PDE6A: variants seen among roughly 807,000 people sequenced by gnomAD.
PDE6A encodes phosphodiesterase 6A.
A neutral mutation model predicts 106.3 loss-of-function variants in PDE6A; 84 were observed. The observed-to-expected ratio is 0.79, with a 90% CI of 0.66 to 0.95. The LOEUF (loss-of-function observed/expected upper bound fraction) is 0.95. Ranked by LOEUF, PDE6A falls within the 40% of genes least tolerant of loss-of-function variation. The pLI, the probability that PDE6A is intolerant of heterozygous loss-of-function variation, is 0.00. For synonymous variants in PDE6A, 394 were observed against 386.6 expected, an observed-to-expected ratio of 1.02 and a Z score of -0.23; for missense variants, 1,052 against 1,084.9, an observed-to-expected ratio of 0.97 and a Z score of 0.43.
rs202059077 is a variant in PDE6A, at chr5:149,863,148, T to G, written c.2477A>C (p.Lys826Thr). 1.2e-6 allele frequency: 2 copies of G among 1,614,226 alleles called. No homozygotes were observed. Among genetic ancestry groups the G allele is most frequent in the South Asian group, 2.2e-5 (2 of 91,080 alleles). ...YDAKMKVQEEKKQKQQSAKSA... is the reference protein window; with the variant it reads ...YDAKMKVQEETKQKQQSAKSA... ...CTTGGCCGACTGCTGTTTCTGCTTC[T>G]TCTCCTCCTGCACCTTCATCTTGGC... The change falls in exon 21 of 22, where the codon AAG (lysine) becomes ACG (threonine). Residue 826 changes from lysine to threonine, a missense_variant. This residue lies in a region of PDE6A where 135 missense variants were observed against 153.2 expected (regional missense o/e 0.88). Coordinates refer to ENST00000255266, the MANE Select transcript of PDE6A (RefSeq NM_000440.3). The surrounding 1 kb of genome is among the most constrained non-coding windows in gnomAD (Gnocchi z 4.7).
intron 1 of PDE6A, among the ~76,000 whole-genome samples, chr5:149,941,478 G>A (rs1754325393): frequency 6.6e-6 from 1 of 152,232 alleles, no homozygotes; most frequent in Admixed American, 6.5e-5. Context: ...ACCACCAGGA[G>A]AATCTCAGGG....
At chr5:149,873,083 G>A (rs1006867332) in intron 17 of PDE6A, among the ~76,000 whole-genome samples, 10 of 151,990 alleles carry the variant, frequency 6.6e-5, no homozygotes, top group African/African-American at 2.4e-4. Flanking sequence ...AGATGAGCAG[G>A]AAAAAAGGAC....
intron 17 of PDE6A, among the ~76,000 whole-genome samples, chr5:149,876,216 C>G (rs936809740): frequency 3.9e-5 from 6 of 151,972 alleles, no homozygotes; most frequent in Non-Finnish European, 8.8e-5. Context: ...ATTAAACACT[C>G]AAAGCACCCT....
rs745790602 is a variant in PDE6A at position 149,934,036 on chromosome 5, A to G, written c.628-17T>C. The stretch of plus-strand genomic sequence containing the variant: ...GAGAAGAATCTAAAAATCAAACAGC[A>G]TGAGGGGAGGCAGGTGAGAAGAAGA... On this transcript the variant is annotated splice_polypyrimidine_tract_variant and intron_variant, in intron 2 of 21. Coordinates refer to ENST00000255266, the MANE Select transcript of PDE6A (RefSeq NM_000440.3). 4.3e-6 allele frequency: 6 copies of G among 1,402,224 alleles called. No homozygotes were observed. Among genetic ancestry groups the G allele is most frequent in the Non-Finnish European group, 5.1e-6 (5 of 988,038 alleles). The allele number at this position is 1,402,224 out of a possible 1,614,324, so 86.9% of individuals were successfully genotyped here.
intron 5 of PDE6A, among the ~76,000 whole-genome samples, chr5:149,921,348 A>C (rs573675130): frequency 2.7e-5 from 4 of 149,936 alleles, no homozygotes; most frequent in Admixed American, 1.3e-4. Context: ...GGAAGGCAGG[A>C]AGGAAGGAAG....
intron 17 of PDE6A, among the ~76,000 whole-genome samples, chr5:149,872,035 T>C (rs190988671): frequency 1.3e-5 from 2 of 152,234 alleles, no homozygotes; most frequent in Admixed American, 1.3e-4. Flanking sequence ...CACAAAAATA[T>C]TGTATGCTCA....
chr5:149,909,970 T>C (rs1753324042), intron 6 of PDE6A, among the ~76,000 whole-genome samples: 1 of 152,308 alleles, frequency 6.6e-6, no homozygotes, highest in East Asian at 1.9e-4. Context: ...ATTCAAATAT[T>C]CTATATTCTG....
intron 4 of PDE6A, among the ~76,000 whole-genome samples, chr5:149,925,502 T>C (rs1753841566): frequency 6.6e-6 from 1 of 151,498 alleles, no homozygotes; most frequent in Non-Finnish European, 1.5e-5. Flanking sequence ...AGGTCAGGAG[T>C]TCGAGACCAG....
In PDE6A at chr5:149,896,005, A is replaced by G. The variant is rs79574683; in HGVS notation, c.1620+351T>C. On this transcript the variant is annotated intron_variant, in intron 12 of 21. Transcript: ENST00000255266. The stretch of plus-strand genomic sequence containing the variant: ...GACTCACAGCAAACCTTAGTAAGGA[A>G]TCCTGCAGGGAATGAGCCCTGTTTA... Among the ~76,000 whole-genome samples, 292 of 152,278 alleles carry G rather than the reference A, an allele frequency of 1.9e-3. 1 individual carries two copies. In the East Asian group the frequency reaches 0.029, roughly 15 times the overall value.
chr5:149,905,358 C>A (rs867133202), intron 7 of PDE6A, among the ~76,000 whole-genome samples: 15 of 152,320 alleles, frequency 9.8e-5, no homozygotes, highest in South Asian at 2.1e-4. Context: ...TCTTCCAAAT[C>A]TCTGCTTCCA....
At chr5:149,876,348 TC>T (rs1321313270) in intron 17 of PDE6A, among the ~76,000 whole-genome samples, 2 of 143,158 alleles carry the variant, frequency 1.4e-5, no homozygotes, top group African/African-American at 5.2e-5. Flanking sequence ...CCATTTTTCC[TC>T]TTTTTTTTTT....
At chr5:149,938,087 C>T (rs1416541817) in intron 1 of PDE6A, among the ~76,000 whole-genome samples, 1 of 152,136 alleles carries the variant, frequency 6.6e-6, no homozygotes, top group African/African-American at 2.4e-5. Flanking sequence ...AGTGGAATGT[C>T]ATGCAAAACA....
At chr5:149,937,537 C>T (rs941695358) in intron 1 of PDE6A, among the ~76,000 whole-genome samples, 9 of 152,032 alleles carry the variant, frequency 5.9e-5, no homozygotes, top group African/African-American at 2.2e-4. Flanking sequence ...ACCACCATGC[C>T]CGACTAATTT....
At chr5:149,882,584 C>T (rs1387678394) in intron 17 of PDE6A, among the ~76,000 whole-genome samples, 1 of 152,050 alleles carries the variant, frequency 6.6e-6, no homozygotes, top group African/African-American at 2.4e-5. Context: ...AAAAGACATT[C>T]ACCAGACAAC....
Position 149,944,254 on chromosome 5 carries a change from G to A in PDE6A, c.420C>T (p.Ile140=), listed in dbSNP as rs542505960. The A allele has an allele frequency of 5.3e-5, 85 of 1,613,832 alleles. No homozygotes were observed. The highest frequency in any genetic ancestry group is 1.6e-4 in the East Asian group (7 of 44,846). ...QEIVFPLDMG[I]VGHVAHSKKI... ...TCTTAGAGTGTGCGACATGGCCCAC[G>A]ATGCCCATGTCCAAAGGGAAGACGA... Residue 140 remains isoleucine, a synonymous_variant, in exon 1 of 22, where the codon ATC becomes ATT. Coordinates refer to ENST00000255266, the MANE Select transcript of PDE6A (RefSeq NM_000440.3).
chr5:149,885,593 G>A (rs1165199363), intron 14 of PDE6A, among the ~76,000 whole-genome samples: 2 of 152,212 alleles, frequency 1.3e-5, no homozygotes, highest in Non-Finnish European at 2.9e-5. Flanking sequence ...TACGAGATGA[G>A]TGAATGAACC....
chr5:149,915,291 G>C (rs1753518059), intron 5 of PDE6A, among the ~76,000 whole-genome samples: 1 of 152,062 alleles, frequency 6.6e-6, no homozygotes, highest in African/African-American at 2.4e-5. Context: ...TTACAGGCGT[G>C]AGCCACTGCA....
chr5:149,883,189 A>AT lies in PDE6A; in HGVS notation c.2135+239dup, dbSNP rs1278102392. ...ATGATTGAACTACTTCAAATAACAT[A>AT]TTTTTTTATTCAGATAAATAAAACA... On this transcript the variant is annotated intron_variant, in intron 17 of 21. Coordinates refer to ENST00000255266, the MANE Select transcript of PDE6A (RefSeq NM_000440.3). 2.6e-5 allele frequency among the ~76,000 whole-genome samples: 4 copies of AT among 152,336 alleles called. No individual in the cohort carries two copies. The East Asian group carries it at 7.7e-4, about 29-fold the overall frequency.
intron 8 of PDE6A, among the ~76,000 whole-genome samples, chr5:149,902,738 C>T (rs958220735): frequency 6.6e-6 from 1 of 150,962 alleles, no homozygotes; most frequent in Non-Finnish European, 1.5e-5. Flanking sequence ...AGGAGGATGG[C>T]GTGAACCTGG....
Sources: allele counts gnomAD v4.1 joint callset (sites outside exome capture counted in the v4.1 genomes callset), GRCh38; gene constraint gnomAD v4.1.1; regional missense constraint gnomAD v4.1.1; non-coding constraint Gnocchi (gnomAD v3.1); transcripts MANE v1.5; gene names NCBI Gene and HGNC (gene_info 2026-07-23, HGNC 2026-07-21).